GABRA4: variants seen among roughly 807,000 people sequenced by gnomAD.
The protein encoded by GABRA4 is gamma-aminobutyric acid type A receptor subunit alpha4.
In GABRA4, 12 loss-of-function variants were observed where a neutral mutation model predicts 49.7. That is an observed-to-expected ratio of 0.24 (90% CI 0.15 to 0.39). The LOEUF is 0.39. Ranked by LOEUF, GABRA4 falls within the 10% of genes least tolerant of loss-of-function variation. The pLI is 1.00. For synonymous variants in GABRA4, 288 were observed against 240.2 expected (o/e 1.20, Z -1.84); for missense variants, 506 against 686.0 (o/e 0.74, Z 2.93).
Position 46,920,508 on chromosome 4 carries a change from A to G in GABRA4, c.*7717T>C, listed in dbSNP as rs2109926390. 6.6e-6 allele frequency: 1 copy of G among 151,904 alleles called. No individual in the cohort carries two copies. Among genetic ancestry groups the G allele is most frequent in the African/African-American group, 2.4e-5 (1 of 41,562 alleles). 9.4% of individuals were successfully genotyped at this position (151,904 alleles called of 1,614,324 possible). A position where few individuals can be genotyped will look rare whatever the true frequency, so the allele number is the denominator to read the frequency against. ...AAAGAGATGATGTATATGTATTAAT[A>G]TATGAAAAAATCCTAATTGCACTTC... is the stretch of plus-strand genomic sequence containing the variant. On this transcript the variant is annotated 3_prime_UTR_variant, in exon 9 of 9. Coordinates refer to ENST00000264318, the MANE Select transcript of GABRA4 (RefSeq NM_000809.4).
chr4:46,984,343 C>A (rs1186041283), intron 2 of GABRA4, among the ~76,000 whole-genome samples: 4 of 152,052 alleles, frequency 2.6e-5, no homozygotes, highest in African/African-American at 7.2e-5. Context: ...GGAATCCTAA[C>A]TGAAATACAT....
intron 8 of GABRA4, among the ~76,000 whole-genome samples, chr4:46,932,897 A>G (rs1721489065): frequency 6.6e-6 from 1 of 152,132 alleles, no homozygotes; most frequent in Non-Finnish European, 1.5e-5. Flanking sequence ...CATTATTTGT[A>G]TGTCATGCTT....
intron 2 of GABRA4, 113 bp from the exon 3 acceptor site, chr4:46,979,211 A>G (rs925642277): frequency 4.6e-6 from 3 of 649,810 alleles, no homozygotes; most frequent in Non-Finnish European, 5.4e-6. Context: ...TTTTACAAGC[A>G]TCTTACATTT....
Position 46,924,724 on chromosome 4 carries a change from G to T in GABRA4, c.*3501C>A, listed in dbSNP as rs1388921093. 6.6e-6 allele frequency: 1 copy of T among 151,936 alleles called. No individual in the cohort carries two copies. The highest frequency in any genetic ancestry group is 1.5e-5 in the Non-Finnish European group (1 of 67,924). 9.4% of individuals were successfully genotyped at this position (151,936 alleles called of 1,614,324 possible). A position where few individuals can be genotyped will look rare whatever the true frequency, so the allele number is the denominator to read the frequency against. On this transcript the variant is annotated 3_prime_UTR_variant, in exon 9 of 9. Transcript: ENST00000264318. ...ATGAACTTAAAGTAATCAAGCAGTA[G>T]AACTAAATTTTTGTCCATAAACACT...
intron 5 of GABRA4, among the ~76,000 whole-genome samples, chr4:46,976,057 T>C (rs1470411825): frequency 6.6e-6 from 1 of 151,888 alleles, no homozygotes; most frequent in Non-Finnish European, 1.5e-5. Context: ...AAAGCCAGCA[T>C]CTATTTTTAG....
intron 8 of GABRA4, among the ~76,000 whole-genome samples, chr4:46,930,876 C>A (rs1721407077): frequency 6.7e-6 from 1 of 149,948 alleles, no homozygotes. Context: ...GGCCATTAGA[C>A]AACACAGAAC....
intron 8 of GABRA4, among the ~76,000 whole-genome samples, 191 bp from the exon 9 acceptor site, chr4:46,928,946 T>C (rs1157995029): frequency 1.3e-5 from 2 of 152,024 alleles, no homozygotes; most frequent in South Asian, 2.1e-4. Context: ...ATTTGAAACT[T>C]TGAATCAAAA....
At position 46,919,719 on chromosome 4, in the gene GABRA4, G is replaced by C. The variant is rs1390450164; in HGVS notation, c.*8506C>G. On this transcript the variant is annotated 3_prime_UTR_variant, in exon 9 of 9. Coordinates refer to ENST00000264318, the MANE Select transcript of GABRA4 (RefSeq NM_000809.4). ...CCTCAGTTTGTACAACACTTCAGCTGAGAAATCAAAGAAAAGCTTTATTTC... is the reference window on the plus strand; with the variant it reads ...CCTCAGTTTGTACAACACTTCAGCTCAGAAATCAAAGAAAAGCTTTATTTC... The C allele has an allele frequency of 6.6e-6, 1 of 151,580 alleles. No individual in the cohort carries two copies. Among genetic ancestry groups the C allele is most frequent in the Non-Finnish European group, 1.5e-5 (1 of 67,612 alleles). The allele number at this position is 151,580 out of a possible 1,614,324, so 9.4% of individuals were successfully genotyped here.
chr4:46,931,739 A>G (rs1030757880), intron 8 of GABRA4, among the ~76,000 whole-genome samples: 4 of 152,156 alleles, frequency 2.6e-5, no homozygotes, highest in Non-Finnish European at 5.9e-5. Flanking sequence ...TTCTGGAAAC[A>G]CTGACACCAC....
At chr4:46,929,920 C>A (rs1721370269) in intron 8 of GABRA4, among the ~76,000 whole-genome samples, 1 of 152,010 alleles carries the variant, frequency 6.6e-6, no homozygotes, top group African/African-American at 2.4e-5. Flanking sequence ...GGGCAATTCA[C>A]AGATACTAAT....
chr4:46,992,771 A>AG (rs891398134), intron 2 of GABRA4, 57 bp downstream of exon 2: 113 of 1,212,818 alleles, frequency 9.3e-5, no homozygotes, highest in African/African-American at 7.3e-4. Flanking sequence ...ACAGACAGAC[A>AG]GGAAGACCAA....
rs1721026445 is a variant in GABRA4, at chr4:46,921,358, G to A, written c.*6867C>T. 6.6e-6 allele frequency: 1 copy of A among 151,874 alleles called. No homozygotes were observed. The highest frequency in any genetic ancestry group is 2.4e-5 in the African/African-American group (1 of 41,398). 9.4% of individuals were successfully genotyped at this position (151,874 alleles called of 1,614,324 possible). A position where few individuals can be genotyped will look rare whatever the true frequency, so the allele number is the denominator to read the frequency against. On this transcript the variant is annotated 3_prime_UTR_variant, in exon 9 of 9. Coordinates refer to ENST00000264318, the MANE Select transcript of GABRA4 (RefSeq NM_000809.4). ...TGGGATAGAAATACACGACTGAAAA[G>A]TAAAGCCCAAGAGGGAAAAATGAAA... is the stretch of plus-strand genomic sequence containing the variant.
chr4:46,975,666 G>C (rs1331654442), intron 5 of GABRA4, among the ~76,000 whole-genome samples: 1 of 151,820 alleles, frequency 6.6e-6, no homozygotes, highest in Non-Finnish European at 1.5e-5. Context: ...AACCCTGATT[G>C]AACACGAACT....
chr4:46,975,674 A>T (rs866958436), intron 5 of GABRA4, among the ~76,000 whole-genome samples: 1 of 152,042 alleles, frequency 6.6e-6, no homozygotes, highest in South Asian at 2.1e-4. Flanking sequence ...TTGAACACGA[A>T]CTATGTTCAA....
intron 8 of GABRA4, among the ~76,000 whole-genome samples, chr4:46,954,425 C>T (rs958461192): frequency 6.6e-6 from 1 of 151,888 alleles, no homozygotes; most frequent in Non-Finnish European, 1.5e-5. Flanking sequence ...GGCATTGTGG[C>T]AGGCGCCTGT....
intron 8 of GABRA4, among the ~76,000 whole-genome samples, chr4:46,929,360 T>A (rs187252666): frequency 8.1e-4 from 123 of 152,160 alleles, no homozygotes; most frequent in East Asian, 2.5e-3. Context: ...TGACATATTT[T>A]ATTTTTCACT....
At chr4:46,984,123 T>A (rs1279480135) in intron 2 of GABRA4, among the ~76,000 whole-genome samples, 2 of 152,106 alleles carry the variant, frequency 1.3e-5, no homozygotes, top group Admixed American at 1.3e-4. Flanking sequence ...CCAATAATGA[T>A]GTCTAATTTG....
chr4:46,935,007 T>A (rs1350260766), intron 8 of GABRA4, among the ~76,000 whole-genome samples: 1 of 152,224 alleles, frequency 6.6e-6, no homozygotes. Flanking sequence ...GATACTATGC[T>A]AGATGAATCT....
At chr4:46,980,925 G>A (rs751704980) in intron 2 of GABRA4, among the ~76,000 whole-genome samples, 15 of 152,070 alleles carry the variant, frequency 9.9e-5, no homozygotes, top group Admixed American at 6.6e-5. Flanking sequence ...TAAGTTACTC[G>A]AATAATTAAG....
Sources: allele counts gnomAD v4.1 joint callset (sites outside exome capture counted in the v4.1 genomes callset), GRCh38; gene constraint gnomAD v4.1.1; transcripts MANE v1.5; gene names NCBI Gene and HGNC (gene_info 2026-07-23, HGNC 2026-07-21).